The following ERO1A variants were observed in gnomAD, a reference collection of about 807,000 sequenced individuals.
The protein encoded by ERO1A is endoplasmic reticulum oxidoreductase 1 alpha.
Under a neutral mutation model 76.9 loss-of-function variants are expected in ERO1A, and 49 were observed. The observed-to-expected ratio is 0.64, with a 90% CI of 0.51 to 0.81. The LOEUF (loss-of-function observed/expected upper bound fraction) is 0.81. Ranked by LOEUF, ERO1A falls within the 30% of genes least tolerant of loss-of-function variation. The pLI is 0.00. For synonymous variants in ERO1A, 174 were observed against 181.2 expected (o/e 0.96, Z 0.32); for missense variants, 448 against 542.1 (o/e 0.83, Z 1.72).
At chr14:52,665,283 T>C (rs1301606160) in intron 7 of ERO1A, among the ~76,000 whole-genome samples, 1 of 125,746 alleles carries the variant, frequency 8.0e-6, no homozygotes, top group East Asian at 2.3e-4. Flanking sequence ...GGCAACAGAG[T>C]GAGACTTCAT....
intron 8 of ERO1A, among the ~76,000 whole-genome samples, chr14:52,663,432 T>C (rs1322016418): frequency 6.6e-6 from 1 of 151,860 alleles, no homozygotes; most frequent in Non-Finnish European, 1.5e-5. Flanking sequence ...ACCTCATCTC[T>C]ACTAAAAATA....
Position 52,646,078 on chromosome 14 carries a change from C to G in ERO1A, c.1346+76G>C, listed in dbSNP as rs1012164369. 7.6e-6 allele frequency: 11 copies of G among 1,455,402 alleles called. No individual in the cohort carries two copies. The Admixed American group carries it at 1.6e-4, about 21-fold the overall frequency. 90.2% of individuals were successfully genotyped at this position (1,455,402 alleles called of 1,614,324 possible). A position where few individuals can be genotyped will look rare whatever the true frequency, so the allele number is the denominator to read the frequency against. ...TAAAATAAAAAGGATATTCCTTACC[C>G]AGTTTTTTCTGAGAGCATATATGTT... On this transcript the variant is annotated intron_variant, in intron 15 of 15. Coordinates refer to ENST00000395686, the MANE Select transcript of ERO1A (RefSeq NM_014584.3).
intron 3 of ERO1A, among the ~76,000 whole-genome samples, chr14:52,680,064 A>T (rs898010086): frequency 4.2e-5 from 6 of 143,114 alleles, no homozygotes; most frequent in African/African-American, 1.6e-4. Flanking sequence ...TGTCTCAAAA[A>T]CAAGCAAAAA....
rs572437647 is a variant in ERO1A, at chr14:52,658,723, C to T, written c.689-573G>A. Among the ~76,000 whole-genome samples the T allele has an allele frequency of 1.6e-4, 24 of 152,100 alleles. No homozygotes were observed. The South Asian group carries it at 4.4e-3, about 28-fold the overall frequency. On this transcript the variant is annotated intron_variant, in intron 9 of 15. Coordinates refer to ENST00000395686, the MANE Select transcript of ERO1A (RefSeq NM_014584.3). The stretch of plus-strand genomic sequence containing the variant: ...TTAATGCCTAGTAATTCTACAAATA[C>T]GATAATGCCTAAATTAACATGATAG...
chr14:52,664,002 G>T (rs1381068217), intron 7 of ERO1A, 155 bp from the exon 8 acceptor site: 1 of 485,520 alleles, frequency 2.1e-6, no homozygotes, highest in Non-Finnish European at 3.7e-6. Flanking sequence ...CTTTAAGGGA[G>T]GGTGGCTATT....
At chr14:52,695,258 G>T in intron 1 of ERO1A, 110 bp downstream of exon 1, 1 of 677,980 alleles carries the variant, frequency 1.5e-6, no homozygotes, top group Non-Finnish European at 2.1e-6. Flanking sequence ...CATTCCCGGT[G>T]GGAAGAGATG....
At chr14:52,689,117 G>A (rs754649650) in intron 1 of ERO1A, among the ~76,000 whole-genome samples, 1 of 151,998 alleles carries the variant, frequency 6.6e-6, no homozygotes, top group African/African-American at 2.4e-5. Context: ...CACCATGCCC[G>A]GCTAATTTTG....
intron 1 of ERO1A, 53 bp downstream of exon 1, chr14:52,695,315 T>A: frequency 8.0e-7 from 1 of 1,252,414 alleles, no homozygotes. Context: ...TGCGGGACAG[T>A]GCACGCCGCG....
At position 52,681,913 on chromosome 14, in the gene ERO1A, A is replaced by G. The variant is rs115442421; in HGVS notation, c.318+412T>C. Among the ~76,000 whole-genome samples the G allele has an allele frequency of 1.9e-3, 291 of 152,324 alleles. 1 individual carries two copies. The highest frequency in any genetic ancestry group is 6.6e-3 in the African/African-American group (276 of 41,578). ...GAGGAAAATCAAATATCAGGCCAAA[A>G]GAATTATTATCAATCTCCCTAATAA... is the stretch of plus-strand genomic sequence containing the variant. On this transcript the variant is annotated intron_variant, in intron 3 of 15. Coordinates refer to ENST00000395686, the MANE Select transcript of ERO1A (RefSeq NM_014584.3).
At chr14:52,663,712 TG>T in intron 8 of ERO1A, 88 bp downstream of exon 8, 1 of 777,240 alleles carries the variant, frequency 1.3e-6, no homozygotes, top group Non-Finnish European at 2.3e-6. Flanking sequence ...TGACTTCAAC[TG>T]TTACTGTCAT....
chr14:52,654,166 G>A (rs1364004747), intron 11 of ERO1A, among the ~76,000 whole-genome samples: 1 of 151,982 alleles, frequency 6.6e-6, no homozygotes, highest in Non-Finnish European at 1.5e-5. Context: ...ATCTCCCCAT[G>A]AACATTTTCT....
intron 1 of ERO1A, among the ~76,000 whole-genome samples, chr14:52,693,192 T>C (rs2041417290): frequency 6.6e-6 from 1 of 152,086 alleles, no homozygotes; most frequent in Non-Finnish European, 1.5e-5. Flanking sequence ...ACTGATGCAA[T>C]CATGGCTTAC....
intron 6 of ERO1A, among the ~76,000 whole-genome samples, chr14:52,668,321 G>A (rs192424503): frequency 3.9e-4 from 59 of 152,218 alleles, no homozygotes; most frequent in Non-Finnish European, 6.5e-4. Context: ...TGAGGCGGGT[G>A]GATCACATGA....
chr14:52,671,620 A>C lies in ERO1A; in HGVS notation c.508+10T>G, dbSNP rs2040601885. On this transcript the variant is annotated intron_variant, in intron 6 of 15. Coordinates refer to ENST00000395686, the MANE Select transcript of ERO1A (RefSeq NM_014584.3). The stretch of plus-strand genomic sequence containing the variant: ...TTTAAACACAATGCATACTATCAAA[A>C]ATATTATACCATCAGCTTCACAGAA... The C allele has an allele frequency of 3.2e-6, 5 of 1,585,632 alleles. No individual in the cohort carries two copies. Among genetic ancestry groups the C allele is most frequent in the Non-Finnish European group, 4.3e-6 (5 of 1,161,510 alleles).
chr14:52,658,138 TA>T lies in ERO1A; in HGVS notation c.700del (p.Tyr234ThrfsTer4). On this transcript the variant is annotated frameshift_variant, in exon 10 of 16. Coordinates refer to ENST00000395686, the MANE Select transcript of ERO1A (RefSeq NM_014584.3). LOFTEE classifies it high-confidence loss of function. ...TTTCTAATTACCTTCTAGCCAACTG[TA>T]AAAAGTGTTCTCTGAAATCAAAAGA... is the stretch of plus-strand genomic sequence containing the variant. ...GQGTSEENTF[Y>X]SWLEGLCVEK... The T allele has an allele frequency of 1.3e-6, 2 of 1,502,664 alleles. No individual in the cohort carries two copies. The highest frequency in any genetic ancestry group is 1.8e-6 in the Non-Finnish European group (2 of 1,094,000). The allele number at this position is 1,502,664 out of a possible 1,614,324, so 93.1% of individuals were successfully genotyped here.
At chr14:52,685,007 C>G (rs914408154) in intron 1 of ERO1A, among the ~76,000 whole-genome samples, 2 of 152,048 alleles carry the variant, frequency 1.3e-5, no homozygotes, top group Admixed American at 6.6e-5. Flanking sequence ...GTCTAGATAT[C>G]TGCATTTTAA....
At chr14:52,692,758 C>T (rs1050500309) in intron 1 of ERO1A, among the ~76,000 whole-genome samples, 1 of 152,128 alleles carries the variant, frequency 6.6e-6, no homozygotes, top group African/African-American at 2.4e-5. Flanking sequence ...AGAGTGGTTA[C>T]ACTTGTTGAA....
intron 4 of ERO1A, among the ~76,000 whole-genome samples, chr14:52,672,426 CA>C (rs2040633758): frequency 6.6e-6 from 1 of 152,110 alleles, no homozygotes; most frequent in Non-Finnish European, 1.5e-5. Flanking sequence ...TATTTTAAGA[CA>C]AAACATCAAA....
chr14:52,654,806 T>C (rs2139654498), intron 11 of ERO1A, among the ~76,000 whole-genome samples: 1 of 152,356 alleles, frequency 6.6e-6, no homozygotes, highest in East Asian at 1.9e-4. Flanking sequence ...TGTGTATTCA[T>C]CACAGCCCTT....
Sources: gnomAD v4.1 joint callset for allele counts (sites outside exome capture counted in the v4.1 genomes callset) on GRCh38, gnomAD v4.1.1 for gene constraint, MANE v1.5 for transcripts, NCBI Gene and HGNC (gene_info 2026-07-23, HGNC 2026-07-21) for gene names.